MEGF9: variants seen among roughly 807,000 people sequenced by gnomAD.
MEGF9 encodes multiple epidermal growth factor-like domains protein 9.
MEGF9 carries 6 observed loss-of-function variants against 46.8 expected under a neutral mutation model. The observed-to-expected ratio is 0.13, with a 90% CI of 0.07 to 0.25. The LOEUF is 0.25. MEGF9 is among the 10% of genes least tolerant of loss of function. MEGF9 has a pLI of 1.00. For missense variants in MEGF9, 683 were observed against 792.4 expected (o/e 0.86, Z 1.66); for synonymous variants, 302 against 330.7 (o/e 0.91, Z 0.94).
chr9:120,639,909 T>C (rs538079932), intron 2 of MEGF9, among the ~76,000 whole-genome samples: 1 of 152,330 alleles, frequency 6.6e-6, no homozygotes, highest in African/African-American at 2.4e-5. Context: ...GCCAAAACTC[T>C]AGTACGATTC....
chr9:120,656,062 G>T (rs2043675254), intron 2 of MEGF9, among the ~76,000 whole-genome samples: 1 of 152,166 alleles, frequency 6.6e-6, no homozygotes, highest in Non-Finnish European at 1.5e-5. Flanking sequence ...AATACCAAGA[G>T]GCTTTCTACT....
chr9:120,662,290 T>C (rs934757286), intron 1 of MEGF9, among the ~76,000 whole-genome samples: 1 of 152,240 alleles, frequency 6.6e-6, no homozygotes, highest in South Asian at 2.1e-4. Flanking sequence ...GTCCTGTCTC[T>C]GAACCTTTGC....
intron 2 of MEGF9, among the ~76,000 whole-genome samples, chr9:120,625,030 T>G (rs2043518177): frequency 6.6e-6 from 1 of 152,178 alleles, no homozygotes; most frequent in African/African-American, 2.4e-5. Flanking sequence ...TCCCAGCTAC[T>G]CAGGAGGCTG....
chr9:120,667,459 T>C (rs2043730203), intron 1 of MEGF9, among the ~76,000 whole-genome samples: 1 of 152,202 alleles, frequency 6.6e-6, no homozygotes, highest in African/African-American at 2.4e-5. Flanking sequence ...TACTATCCTT[T>C]TTTCATATGC....
rs557209145 is a variant in MEGF9, at chr9:120,689,369, T to C, written c.601+24389A>G. Among the ~76,000 whole-genome samples the C allele has an allele frequency of 6.9e-4, 105 of 151,882 alleles. 2 individuals carry two copies. The South Asian group carries it at 0.022, about 31-fold the overall frequency. On this transcript the variant is annotated intron_variant, in intron 1 of 5. Transcript: ENST00000373930. Reference sequence around the variant, plus strand: ...ATTGTGGCTGGGACACAGAATGGGGTAAGAAGTGGTGACAGGTGAAGGACT... The same window carrying C: ...ATTGTGGCTGGGACACAGAATGGGGCAAGAAGTGGTGACAGGTGAAGGACT...
At chr9:120,621,029 T>C (rs147495564) in intron 3 of MEGF9, among the ~76,000 whole-genome samples, 19 of 152,264 alleles carry the variant, frequency 1.2e-4, no homozygotes, top group African/African-American at 4.6e-4. Context: ...TTTTTGCTTG[T>C]TTGTTTGGGA....
At chr9:120,658,101 C>T (rs996830673) in intron 2 of MEGF9, among the ~76,000 whole-genome samples, 1 of 152,030 alleles carries the variant, frequency 6.6e-6, no homozygotes, top group Admixed American at 6.5e-5. Context: ...TCTCCTGCCT[C>T]AGCCTCCCGA....
chr9:120,646,349 G>A (rs761981902), intron 2 of MEGF9, among the ~76,000 whole-genome samples: 4 of 151,958 alleles, frequency 2.6e-5, no homozygotes, highest in Admixed American at 6.6e-5. Flanking sequence ...CAAATCATCC[G>A]TCTGGCCCTA....
chr9:120,706,417 G>A (rs979413474), intron 1 of MEGF9, among the ~76,000 whole-genome samples: 1 of 151,894 alleles, frequency 6.6e-6, no homozygotes, highest in African/African-American at 2.4e-5. Context: ...GATAAATTTG[G>A]GGGGCCTGGC....
At chr9:120,645,084 A>G (rs187138960) in intron 2 of MEGF9, among the ~76,000 whole-genome samples, 1 of 152,342 alleles carries the variant, frequency 6.6e-6, no homozygotes, top group Admixed American at 6.5e-5. Context: ...TAAGTATAGC[A>G]TGAACAGGCC....
intron 2 of MEGF9, among the ~76,000 whole-genome samples, chr9:120,649,924 G>A (rs2043642423): frequency 6.6e-6 from 1 of 152,158 alleles, no homozygotes; most frequent in South Asian, 2.1e-4. Context: ...ATCTAAGACA[G>A]TCTAAAATGA....
At chr9:120,644,187 G>A (rs1180168914) in intron 2 of MEGF9, among the ~76,000 whole-genome samples, 1 of 152,096 alleles carries the variant, frequency 6.6e-6, no homozygotes, top group Non-Finnish European at 1.5e-5. Context: ...TGTCTCCGCA[G>A]CCTCTTCCAA....
At chr9:120,622,570 A>C (rs1390345405) in intron 3 of MEGF9, 46 bp downstream of exon 3, 1 of 1,606,060 alleles carries the variant, frequency 6.2e-7, no homozygotes, top group Non-Finnish European at 8.5e-7. Context: ...TCCAAATTAA[A>C]AGAACAGTGG....
intron 3 of MEGF9, among the ~76,000 whole-genome samples, chr9:120,614,564 T>TA (rs2043463047): frequency 1.3e-5 from 2 of 152,134 alleles, no homozygotes; most frequent in Non-Finnish European, 2.9e-5. Context: ...GCTATGTATC[T>TA]TTGTGACAAT....
intron 1 of MEGF9, among the ~76,000 whole-genome samples, chr9:120,680,295 G>A (rs930964611): frequency 5.9e-5 from 9 of 152,158 alleles, no homozygotes; most frequent in African/African-American, 2.2e-4. Flanking sequence ...CTGGGCTTGT[G>A]TGTGCCTCTC....
intron 1 of MEGF9, among the ~76,000 whole-genome samples, chr9:120,677,508 A>T (rs1443042355): frequency 6.6e-6 from 1 of 152,190 alleles, no homozygotes; most frequent in East Asian, 1.9e-4. Context: ...GTAGGAGGGA[A>T]GCAGTTGCTC....
chr9:120,616,953 T>C lies in MEGF9; in HGVS notation c.944-4414A>G, dbSNP rs116795058. Among the ~76,000 whole-genome samples, 178 of 152,318 alleles carry C rather than the reference T, an allele frequency of 1.2e-3. 1 individual carries two copies. Among genetic ancestry groups the C allele is most frequent in the African/African-American group, 4.0e-3 (165 of 41,562 alleles). ...ATTTTAAAAGCTGAACTAGATGAAA[T>C]CTAAGGTTTCCTTTAAATCTAAAAT... On this transcript the variant is annotated intron_variant, in intron 3 of 5. Coordinates refer to ENST00000373930, the MANE Select transcript of MEGF9 (RefSeq NM_001080497.3).
chr9:120,640,653 C>A (rs1165113436), intron 2 of MEGF9, among the ~76,000 whole-genome samples: 2 of 152,110 alleles, frequency 1.3e-5, no homozygotes, highest in Non-Finnish European at 2.9e-5. Flanking sequence ...TATTTATTTT[C>A]ATTTCAGTCC....
At chr9:120,609,305 CTCTT>C (rs35463894) in intron 4 of MEGF9, among the ~76,000 whole-genome samples, 109,568 of 151,502 alleles carry the variant, frequency 0.72, 40,108 homozygotes, top group Admixed American at 0.81. Context: ...CCTCTTGTCT[CTCTT>C]TCTAGTTCAG....
Sources: gnomAD v4.1 joint callset for allele counts (sites outside exome capture counted in the v4.1 genomes callset) on GRCh38, gnomAD v4.1.1 for gene constraint, MANE v1.5 for transcripts, NCBI Gene and HGNC (gene_info 2026-07-23, HGNC 2026-07-21) for gene names.